CAMK2B: variants seen among roughly 807,000 people sequenced by gnomAD.
CAMK2B encodes the protein calcium/calmodulin-dependent protein kinase type II subunit beta.
Under a neutral mutation model 93.7 loss-of-function variants are expected in CAMK2B, and 27 were observed. The ratio of observed to expected loss-of-function variants is 0.29; its 90% CI spans 0.21 to 0.40. CAMK2B has a LOEUF of 0.40. Ranked by LOEUF, CAMK2B falls within the 10% of genes least tolerant of loss-of-function variation. The pLI is 1.00. For synonymous variants in CAMK2B, 374 were observed against 358.8 expected (o/e 1.04, Z -0.48); for missense variants, 568 against 895.8 (o/e 0.63, Z 4.67).
At chr7:44,234,736 A>G in intron 13 of CAMK2B, 60 bp from the exon 14 acceptor site, 1 of 1,555,740 alleles carries the variant, frequency 6.4e-7, no homozygotes, top group Non-Finnish European at 8.9e-7. Context: ...GCTGCAGCGC[A>G]ACCCCACCCC....
chr7:44,217,233 GA>G lies in CAMK2B; in HGVS notation c.*2291del, dbSNP rs1468540989. On this transcript the variant is annotated 3_prime_UTR_variant, in exon 24 of 24. Transcript: ENST00000395749. ...AATTTTTGTACACTTACAAGGCTCA[GA>G]AAGAAAAGACAATGAAACTCAGCAA... 1 of 152,624 alleles carries G rather than the reference GA, an allele frequency of 6.6e-6. No individual in the cohort carries two copies. Among genetic ancestry groups the G allele is most frequent in the Non-Finnish European group, 1.5e-5 (1 of 68,036 alleles). 9.5% of individuals were successfully genotyped at this position (152,624 alleles called of 1,614,324 possible).
At chr7:44,240,643 C>G in intron 12 of CAMK2B, 64 bp downstream of exon 12, 6 of 1,560,672 alleles carry the variant, frequency 3.8e-6, no homozygotes, top group Non-Finnish European at 5.3e-6. Context: ...AGGAAGGAGG[C>G]GCTCTCCTGC....
intron 3 of CAMK2B, among the ~76,000 whole-genome samples, chr7:44,259,803 C>A (rs529272611): frequency 2.0e-5 from 3 of 152,184 alleles, no homozygotes; most frequent in Admixed American, 2.0e-4. Context: ...CACTCTCCCA[C>A]GTGCCGGTTC....
At position 44,300,900 on chromosome 7, in the gene CAMK2B, C is replaced by T. The variant is rs188576538; in HGVS notation, c.66-16675G>A. Among the ~76,000 whole-genome samples the T allele has an allele frequency of 2.6e-5, 4 of 152,198 alleles. No homozygotes were observed. In the East Asian group the frequency reaches 7.7e-4, roughly 29 times the overall value. Reference sequence around the variant, plus strand: ...TTTGGGCCATAAAAACACCCTGATACATTTAAAATACAGTAATCATATAAA... The same window carrying T: ...TTTGGGCCATAAAAACACCCTGATATATTTAAAATACAGTAATCATATAAA... On this transcript the variant is annotated intron_variant, in intron 1 of 23. Transcript: ENST00000395749.
chr7:44,240,016 T>G (rs1584047596), intron 12 of CAMK2B, among the ~76,000 whole-genome samples: 1 of 151,826 alleles, frequency 6.6e-6, no homozygotes, highest in Admixed American at 6.6e-5. Flanking sequence ...GGATGGCGGG[T>G]GGGGGGCACC....
chr7:44,228,362 A>C (rs1248425179), intron 19 of CAMK2B, among the ~76,000 whole-genome samples: 1 of 152,084 alleles, frequency 6.6e-6, no homozygotes, highest in Non-Finnish European at 1.5e-5. Context: ...GGTTGGGGCC[A>C]CATCAGGAAC....
chr7:44,225,871 G>A lies in CAMK2B; in HGVS notation c.1597+645C>T. On this transcript the variant is annotated intron_variant, in intron 20 of 23. Coordinates refer to ENST00000395749, the MANE Select transcript of CAMK2B (RefSeq NM_001220.5). The surrounding 1 kb of genome is among the most constrained non-coding windows in gnomAD (Gnocchi z 5.0). ...CTCCCCACAGGTGGGGGTGGCAGCA[G>A]CCCTGGGATGTCATCCATCCCTGTA... 1.6e-6 allele frequency: 2 copies of A among 1,289,360 alleles called. No individual in the cohort carries two copies. The highest frequency in any genetic ancestry group is 2.5e-5 in the South Asian group (2 of 81,012). The allele number at this position is 1,289,360 out of a possible 1,614,324, so 79.9% of individuals were successfully genotyped here.
At chr7:44,293,564 C>A (rs1448160571) in intron 1 of CAMK2B, among the ~76,000 whole-genome samples, 1 of 152,196 alleles carries the variant, frequency 6.6e-6, no homozygotes, top group African/African-American at 2.4e-5. Flanking sequence ...TTTCCACAGA[C>A]TGGGGCAAGG....
intron 1 of CAMK2B, among the ~76,000 whole-genome samples, chr7:44,316,383 A>G (rs937098728): frequency 2.6e-5 from 4 of 152,162 alleles, no homozygotes; most frequent in Non-Finnish European, 4.4e-5. Flanking sequence ...CTACTTGTTC[A>G]TAATGTATAA....
intron 2 of CAMK2B, among the ~76,000 whole-genome samples, chr7:44,270,616 T>C (rs2129056117): frequency 6.6e-6 from 1 of 152,330 alleles, no homozygotes; most frequent in African/African-American, 2.4e-5. Flanking sequence ...ACTGGCTGCA[T>C]CCAAATCCCA....
chr7:44,294,410 C>T (rs957604229), intron 1 of CAMK2B, among the ~76,000 whole-genome samples: 1 of 152,188 alleles, frequency 6.6e-6, no homozygotes, highest in African/African-American at 2.4e-5. Flanking sequence ...TCTGTCCCAG[C>T]GACCAGCCCA....
intron 23 of CAMK2B, among the ~76,000 whole-genome samples, chr7:44,219,758 C>T (rs962085352): frequency 2.0e-5 from 3 of 152,230 alleles, no homozygotes; most frequent in Admixed American, 6.5e-5. Context: ...TCCTCACAAA[C>T]AGGGCATGGT....
rs932106993 is a variant in CAMK2B, at chr7:44,269,625, G to A, written c.161-6561C>T. Among the ~76,000 whole-genome samples the A allele has an allele frequency of 4.6e-5, 7 of 152,246 alleles. No homozygotes were observed. The South Asian group carries it at 1.0e-3, about 23-fold the overall frequency. ...GGCGTGGGTGGGCACCGGGCCCCCCGCCAGCCACCAGGAGAAACAGCAGAG... is the reference window on the plus strand; with the variant it reads ...GGCGTGGGTGGGCACCGGGCCCCCCACCAGCCACCAGGAGAAACAGCAGAG... On this transcript the variant is annotated intron_variant, in intron 2 of 23. Coordinates refer to ENST00000395749, the MANE Select transcript of CAMK2B (RefSeq NM_001220.5).
intron 4 of CAMK2B, among the ~76,000 whole-genome samples, chr7:44,255,300 T>C (rs1236255801): frequency 6.6e-6 from 1 of 152,120 alleles, no homozygotes; most frequent in Non-Finnish European, 1.5e-5. Context: ...ATAGACCCTG[T>C]GAGCAGAAGC....
At chr7:44,253,721 C>T (rs1269027508) in intron 5 of CAMK2B, among the ~76,000 whole-genome samples, 2 of 152,124 alleles carry the variant, frequency 1.3e-5, no homozygotes, top group African/African-American at 4.8e-5. Context: ...TCTCAGCTTC[C>T]CAAGTGGCTG....
At chr7:44,289,229 G>A (rs1786040020) in intron 1 of CAMK2B, among the ~76,000 whole-genome samples, 3 of 152,166 alleles carry the variant, frequency 2.0e-5, no homozygotes, top group Non-Finnish European at 1.5e-5. Flanking sequence ...TGGCTCTGTG[G>A]CCTGCCCCAC....
intron 2 of CAMK2B, among the ~76,000 whole-genome samples, chr7:44,265,999 T>C (rs954907254): frequency 6.6e-6 from 1 of 151,506 alleles, no homozygotes; most frequent in African/African-American, 2.4e-5. Context: ...TAACTTCCCC[T>C]CCCCCAGTTT....
chr7:44,318,238 C>T (rs891684770), intron 1 of CAMK2B, among the ~76,000 whole-genome samples: 2 of 152,252 alleles, frequency 1.3e-5, no homozygotes, highest in Admixed American at 6.5e-5. Context: ...TGGAGTCAAG[C>T]TCCATGACAG....
In CAMK2B at chr7:44,242,301, T is replaced by C; in HGVS notation, c.736A>G (p.Lys246Glu). 1 of 1,614,048 alleles carries C rather than the reference T, an allele frequency of 6.2e-7. No individual in the cohort carries two copies. The highest frequency in any genetic ancestry group is 8.5e-7 in the Non-Finnish European group (1 of 1,179,910). Residue 246 changes from lysine to glutamate, a missense_variant, in exon 10 of 24, where the codon AAA becomes GAA. This residue lies in a region of CAMK2B where 105 missense variants were observed against 372.4 expected (regional missense o/e 0.28). Transcript: ENST00000395749. ...PEWDTVTPEAKNLINQMLTIN... is the reference protein window; with the variant it reads ...PEWDTVTPEAENLINQMLTIN... ...GTCAGCATCTGGTTGATGAGGTTTT[T>C]GGCTTCAGGAGTGACGGTGTCCCAC... is the stretch of plus-strand genomic sequence containing the variant.
Sources: allele counts gnomAD v4.1 joint callset (sites outside exome capture counted in the v4.1 genomes callset), GRCh38; gene constraint gnomAD v4.1.1; regional missense constraint gnomAD v4.1.1; non-coding constraint Gnocchi (gnomAD v3.1); transcripts MANE v1.5; gene names NCBI Gene and HGNC (gene_info 2026-07-23, HGNC 2026-07-21).